The following GLIS3 variants were observed in gnomAD, a reference collection of about 807,000 sequenced individuals.
GLIS3 encodes zinc finger protein GLIS3.
Under a neutral mutation model 78.6 loss-of-function variants are expected in GLIS3, and 53 were observed. The ratio of observed to expected loss-of-function variants is 0.67; its 90% CI spans 0.54 to 0.85. The LOEUF is 0.85. Among genes scored for constraint, GLIS3 ranks in the 40% least tolerant of loss-of-function variants. The pLI, the probability that GLIS3 is intolerant of heterozygous loss-of-function variation, is 0.00. For synonymous variants in GLIS3, 684 were observed against 509.9 expected (o/e 1.34, Z -4.60); for missense variants, 1,703 against 1,231.1 (o/e 1.38, Z -5.74).
intron 2 of GLIS3, among the ~76,000 whole-genome samples, chr9:4,164,684 G>C (rs1444981340): frequency 6.6e-6 from 1 of 152,130 alleles, no homozygotes; most frequent in Non-Finnish European, 1.5e-5. Context: ...TCTAAAATTA[G>C]ATGGCAAAGA....
the GLIS3 span, among the ~76,000 whole-genome samples, chr9:4,462,306 C>A: frequency 6.7e-4 from 102 of 152,228 alleles, 1 homozygote; most frequent in East Asian, 0.014. Context: ...ATTCTTATAG[C>A]AACTTGATAT....
intron 7 of GLIS3, 147 bp from the exon 8 acceptor site, chr9:3,879,742 T>G: frequency 1.2e-6 from 1 of 809,352 alleles, no homozygotes; most frequent in South Asian, 1.7e-5. Context: ...CCTTCTTGGG[T>G]ACACACAGCT....
chr9:4,461,768 A>T, the GLIS3 span, among the ~76,000 whole-genome samples: 4 of 152,314 alleles, frequency 2.6e-5, no homozygotes, highest in East Asian at 7.7e-4. Context: ...CCCAACTAGC[A>T]TTACACCCTC....
the GLIS3 span, among the ~76,000 whole-genome samples, chr9:4,419,475 G>A: frequency 1.2e-4 from 18 of 152,240 alleles, no homozygotes; most frequent in Middle Eastern, 6.8e-3. Flanking sequence ...GAGAGGGAAG[G>A]GAGGTGCTAC....
At chr9:3,880,824 G>A (rs1203819193) in intron 7 of GLIS3, among the ~76,000 whole-genome samples, 5 of 152,088 alleles carry the variant, frequency 3.3e-5, no homozygotes, top group African/African-American at 4.8e-5. Flanking sequence ...CCATCTTCCC[G>A]CTCAAAAAGC....
chr9:4,051,748 C>G (rs974391764), intron 4 of GLIS3, among the ~76,000 whole-genome samples: 1 of 152,144 alleles, frequency 6.6e-6, no homozygotes, highest in Non-Finnish European at 1.5e-5. Context: ...GTATTTTCAC[C>G]AATTTCTCCC....
chr9:4,143,847 G>T (rs890811645), intron 2 of GLIS3, among the ~76,000 whole-genome samples: 2 of 152,100 alleles, frequency 1.3e-5, no homozygotes, highest in African/African-American at 4.8e-5. Flanking sequence ...AGCATCTTTT[G>T]TCTTTTTCTA....
At chr9:4,000,541 A>T (rs1821056879) in intron 4 of GLIS3, among the ~76,000 whole-genome samples, 2 of 152,152 alleles carry the variant, frequency 1.3e-5, no homozygotes, top group Non-Finnish European at 2.9e-5. Flanking sequence ...AAATACATTT[A>T]TCTACCAGAG....
In GLIS3 at chr9:4,118,453, G is replaced by A. The variant is rs777175866; in HGVS notation, c.1025C>T (p.Ser342Phe). The A allele has an allele frequency of 6.2e-7, 1 of 1,613,422 alleles. No individual in the cohort carries two copies. The highest frequency in any genetic ancestry group is 2.2e-5 in the East Asian group (1 of 44,868). Residue 342 changes from serine to phenylalanine, a missense_variant, in exon 4 of 11, where the codon TCC (serine) becomes TTC (phenylalanine). Physicochemically the swap from Ser to Phe is radical, Grantham distance 155. Transcript: ENST00000381971. The surrounding 1 kb of genome is among the most constrained non-coding windows in gnomAD (Gnocchi z 4.7). Reference protein sequence around the residue: ...NGSRASPANLSPQPEVYGHFL... With the variant: ...NGSRASPANLFPQPEVYGHFL... ...ATGCCCGTAGACCTCCGGCTGCGGGGACAGGTTGGCCGGCGAAGCCCTCGA... is the reference window on the plus strand; with the variant it reads ...ATGCCCGTAGACCTCCGGCTGCGGGAACAGGTTGGCCGGCGAAGCCCTCGA...
At chr9:4,488,371 A>G in the GLIS3 span, among the ~76,000 whole-genome samples, 1 of 152,150 alleles carries the variant, frequency 6.6e-6, no homozygotes, top group Non-Finnish European at 1.5e-5. Context: ...GCTGTTAAAA[A>G]CTTCATAAAC....
the GLIS3 span, among the ~76,000 whole-genome samples, chr9:4,429,468 T>C: frequency 2.0e-5 from 3 of 152,204 alleles, no homozygotes; most frequent in African/African-American, 7.2e-5. Flanking sequence ...AACTGAACAA[T>C]TTCTTCTTAC....
chr9:4,142,082 G>T (rs1388340106), intron 2 of GLIS3, among the ~76,000 whole-genome samples: 2 of 152,174 alleles, frequency 1.3e-5, no homozygotes, highest in Non-Finnish European at 2.9e-5. Context: ...AAATGAGGAA[G>T]AACAGAGTAG....
chr9:4,388,396 G>C, the GLIS3 span, among the ~76,000 whole-genome samples: 5 of 151,936 alleles, frequency 3.3e-5, no homozygotes, highest in African/African-American at 1.2e-4. Context: ...TAGAGAGGCA[G>C]GGCCAGGTGT....
intron 6 of GLIS3, among the ~76,000 whole-genome samples, chr9:3,927,506 C>A (rs1031963586): frequency 1.3e-5 from 2 of 152,154 alleles, no homozygotes; most frequent in African/African-American, 2.4e-5. Flanking sequence ...TTCTGTGGAA[C>A]GTATTCTAAA....
At chr9:4,349,823 A>C (rs1235135051), upstream of GLIS3, among the ~76,000 whole-genome samples, 1 of 152,246 alleles carries the variant, frequency 6.6e-6, no homozygotes, top group African/African-American at 2.4e-5. Context: ...GAAGAAATGA[A>C]GTCATGAAGC....
the GLIS3 span, among the ~76,000 whole-genome samples, chr9:4,400,911 G>A: frequency 1.3e-5 from 2 of 152,214 alleles, no homozygotes; most frequent in Non-Finnish European, 2.9e-5. Context: ...ATAACCAGCA[G>A]CAATACCCAA....
rs557721156 is a variant in GLIS3 at position 4,070,376 on chromosome 9, T to C, written c.1710+47392A>G. 9.8e-5 allele frequency among the ~76,000 whole-genome samples: 15 copies of C among 152,286 alleles called. 1 individual carries two copies. The East Asian group carries it at 2.1e-3, about 22-fold the overall frequency. The stretch of plus-strand genomic sequence containing the variant: ...ACTGCTTACTGGGAAGTTTTGTTTG[T>C]TAAAGAAGGTCTCTCAGACATGTAA... On this transcript the variant is annotated intron_variant, in intron 4 of 10. Coordinates refer to ENST00000381971, the MANE Select transcript of GLIS3 (RefSeq NM_001042413.2).
intron 2 of GLIS3, among the ~76,000 whole-genome samples, chr9:4,259,850 C>T (rs969977176): frequency 6.6e-6 from 1 of 152,164 alleles, no homozygotes; most frequent in Non-Finnish European, 1.5e-5. Flanking sequence ...AGTAAATCTC[C>T]TTCTTTGCCA....
chr9:4,080,226 C>T (rs1828439034), intron 4 of GLIS3, among the ~76,000 whole-genome samples: 1 of 152,132 alleles, frequency 6.6e-6, no homozygotes, highest in South Asian at 2.1e-4. Context: ...TTCCAGCATT[C>T]TTGCATTCGT....
Sources: gnomAD v4.1 joint callset for allele counts (sites outside exome capture counted in the v4.1 genomes callset) on GRCh38, gnomAD v4.1.1 for gene constraint, Gnocchi (gnomAD v3.1) non-coding constraint, MANE v1.5 for transcripts, NCBI Gene and HGNC (gene_info 2026-07-23, HGNC 2026-07-21) for gene names.